The following USP49 variants were observed in gnomAD, a reference collection of about 807,000 sequenced individuals.
USP49 encodes ubiquitin specific peptidase 49.
USP49 carries 24 observed loss-of-function variants against 58.6 expected under a neutral mutation model. The ratio of observed to expected loss-of-function variants is 0.41; its 90% CI spans 0.30 to 0.58. The LOEUF is 0.58. USP49 is among the 20% of genes least tolerant of loss of function. The probability of loss-of-function intolerance (pLI) is 0.30; values close to 1 mark genes in which losing one functional copy is unlikely to be tolerated. For missense variants in USP49, 703 were observed against 866.1 expected, an observed-to-expected ratio of 0.81 and a Z score of 2.36; for synonymous variants, 408 against 365.1, an observed-to-expected ratio of 1.12 and a Z score of -1.34.
Position 41,803,856 on chromosome 6 carries a change from G to C in USP49, c.1511C>G (p.Thr504Arg). Residue 504 changes from threonine (T) to arginine (R), a missense_variant, in exon 5 of 8, where the codon ACA becomes AGA. Around this residue, in one of 6 missense-constraint regions of USP49, gnomAD observed 158 missense variants for 241.2 expected, o/e 0.66. Coordinates refer to ENST00000682992, the MANE Select transcript of USP49 (RefSeq NM_001286554.2). This position sits in a 1 kb window ranked among gnomAD's most constrained non-coding sequence, Gnocchi z 4.1. The part of the protein sequence containing the change: ...CLLTEMLAKF[T>R]ETEALEGRIY... Reference sequence around the variant, plus strand: ...TCTCCCTTCCAGGGCCTCTGTCTCTGTGAATTTGGCCAGCATCTCAGTGAG... The same window carrying C: ...TCTCCCTTCCAGGGCCTCTGTCTCTCTGAATTTGGCCAGCATCTCAGTGAG... 6.2e-7 allele frequency: 1 copy of C among 1,614,188 alleles called. No homozygotes were observed. Among genetic ancestry groups the C allele is most frequent in the East Asian group, 2.2e-5 (1 of 44,888 alleles).
chr6:41,810,051 C>T (rs1157859683), intron 3 of USP49, among the ~76,000 whole-genome samples: 1 of 150,532 alleles, frequency 6.6e-6, no homozygotes, highest in Non-Finnish European at 1.5e-5. Context: ...GCTCCGGAGG[C>T]TGAGGCAGGG....
intron 3 of USP49, among the ~76,000 whole-genome samples, chr6:41,840,069 T>G (rs1400003090): frequency 4.6e-5 from 7 of 152,012 alleles, no homozygotes; most frequent in Admixed American, 2.6e-4. Context: ...AATGAATTGA[T>G]TATTAACATT....
chr6:41,880,435 GC>G (rs937945833), intron 2 of USP49, among the ~76,000 whole-genome samples: 1 of 152,106 alleles, frequency 6.6e-6, no homozygotes, highest in Non-Finnish European at 1.5e-5. Context: ...AATTGAAAAG[GC>G]CCTCCAAGCG....
chr6:41,846,700 T>G (rs751888562), intron 3 of USP49, among the ~76,000 whole-genome samples: 1 of 152,212 alleles, frequency 6.6e-6, no homozygotes, highest in Non-Finnish European at 1.5e-5. Flanking sequence ...GGTTAGGAAA[T>G]TTCAGTGTTT....
rs568520315 is a variant in USP49, at chr6:41,791,652, G to A, written c.*4881C>T. On this transcript the variant is annotated 3_prime_UTR_variant, in exon 8 of 8. Coordinates refer to ENST00000682992, the MANE Select transcript of USP49 (RefSeq NM_001286554.2). ...GAAAATCTTTAGCTAGATTTTAAAC[G>A]AAATATGCCAGCAGAAGTATGGAAT... 2 of 152,302 alleles carry A rather than the reference G, an allele frequency of 1.3e-5. No individual in the cohort carries two copies. Among genetic ancestry groups the A allele is most frequent in the Non-Finnish European group, 2.9e-5 (2 of 68,024 alleles). The allele number at this position is 152,302 out of a possible 1,614,324, so 9.4% of individuals were successfully genotyped here. A position where few individuals can be genotyped will look rare whatever the true frequency, so the allele number is the denominator to read the frequency against.
intron 3 of USP49, among the ~76,000 whole-genome samples, chr6:41,863,878 C>A (rs1774265452): frequency 2.0e-5 from 3 of 152,074 alleles, no homozygotes. Flanking sequence ...CCACCTCAGC[C>A]CTTGGAACAG....
intron 3 of USP49, among the ~76,000 whole-genome samples, chr6:41,856,960 A>G (rs183207287): frequency 6.6e-6 from 1 of 152,298 alleles, no homozygotes; most frequent in East Asian, 1.9e-4. Context: ...GGTGCTGGAT[A>G]CCATGGTACT....
chr6:41,846,227 G>C (rs1018058089), intron 3 of USP49, among the ~76,000 whole-genome samples: 1 of 152,168 alleles, frequency 6.6e-6, no homozygotes, highest in Non-Finnish European at 1.5e-5. Flanking sequence ...TGAGGCAGGA[G>C]AAGCACTTGA....
In USP49 at chr6:41,792,225, T is replaced by C. The variant is rs1383476556; in HGVS notation, c.*4308A>G. 6.6e-6 allele frequency: 1 copy of C among 152,226 alleles called. No homozygotes were observed. The highest frequency in any genetic ancestry group is 1.5e-5 in the Non-Finnish European group (1 of 68,052). The allele number at this position is 152,226 out of a possible 1,614,324, so 9.4% of individuals were successfully genotyped here. On this transcript the variant is annotated 3_prime_UTR_variant, in exon 8 of 8. Coordinates refer to ENST00000682992, the MANE Select transcript of USP49 (RefSeq NM_001286554.2). ...GTGCCTTCTCTTTTGCACCACTCCCTTTGCATATTACACAGTGCACTGGCT... is the reference window on the plus strand; with the variant it reads ...GTGCCTTCTCTTTTGCACCACTCCCCTTGCATATTACACAGTGCACTGGCT...
At position 41,870,688 on chromosome 6, in the gene USP49, A is replaced by ATTTCTTTT. The variant is rs1554148004; in HGVS notation, c.-29+875_-29+876insAAAAGAAA. 2.6e-5 allele frequency among the ~76,000 whole-genome samples: 3 copies of ATTTCTTTT among 116,064 alleles called. 1 individual carries two copies. Among genetic ancestry groups the ATTTCTTTT allele is most frequent in the African/African-American group, 6.5e-5 (2 of 30,874 alleles). 76.1% of individuals were successfully genotyped at this position (116,064 alleles called of 152,430 possible). Reference sequence around the variant, plus strand: ...AGTAGCTAGCCACCACACCTGGCTAATTTTTTTTTTTTTTTTTGGTAGAGA... The same window carrying ATTTCTTTT: ...AGTAGCTAGCCACCACACCTGGCTAATTTCTTTTTTTTTTTTTTTTTTTTTGGTAGAGA... On this transcript the variant is annotated intron_variant, in intron 3 of 7. Coordinates refer to ENST00000682992, the MANE Select transcript of USP49 (RefSeq NM_001286554.2).
intron 2 of USP49, among the ~76,000 whole-genome samples, chr6:41,884,766 A>G (rs1436996971): frequency 6.6e-6 from 1 of 152,194 alleles, no homozygotes; most frequent in Admixed American, 6.5e-5. Flanking sequence ...TGCTGAAGAT[A>G]TTTTTTCAAG....
intron 3 of USP49, among the ~76,000 whole-genome samples, chr6:41,849,102 A>G (rs1773974534): frequency 6.6e-6 from 1 of 152,212 alleles, no homozygotes; most frequent in African/African-American, 2.4e-5. Context: ...GGACACATAG[A>G]TTGAAAAGTC....
At chr6:41,861,287 C>CA (rs1212851982) in intron 3 of USP49, among the ~76,000 whole-genome samples, 2 of 150,836 alleles carry the variant, frequency 1.3e-5, no homozygotes, top group African/African-American at 2.4e-5. Context: ...ACTAAAAATA[C>CA]AAAAAATTAG....
At chr6:41,807,049 G>C (rs878981508) in intron 3 of USP49, 38 bp from the exon 4 acceptor site, 32 of 1,163,802 alleles carry the variant, frequency 2.7e-5, no homozygotes, top group Middle Eastern at 2.9e-4. Flanking sequence ...AAAAGAAAAA[G>C]AAAACACTTT....
rs1773056177 is a variant in USP49 at position 41,803,494 on chromosome 6, G to A, written c.1561+312C>T. On this transcript the variant is annotated intron_variant, in intron 5 of 7. Transcript: ENST00000682992. The surrounding 1 kb of genome is among the most constrained non-coding windows in gnomAD (Gnocchi z 4.1). ...AATTTTTGTATTTTTAGTAGAGACA[G>A]GGTTTCACCATGTTGGTCAGGCTGG... Among the ~76,000 whole-genome samples the A allele has an allele frequency of 6.6e-6, 1 of 152,192 alleles. No homozygotes were observed. The highest frequency in any genetic ancestry group is 1.5e-5 in the Non-Finnish European group (1 of 68,034).
intron 3 of USP49, among the ~76,000 whole-genome samples, chr6:41,858,360 A>G (rs1017240611): frequency 6.6e-6 from 1 of 152,168 alleles, no homozygotes; most frequent in Non-Finnish European, 1.5e-5. Flanking sequence ...ATGTTATGAG[A>G]GCACTGTGTT....
intron 3 of USP49, among the ~76,000 whole-genome samples, chr6:41,848,109 G>A (rs148228891): frequency 1.5e-3 from 236 of 152,276 alleles, no homozygotes; most frequent in African/African-American, 5.3e-3. Context: ...GTAGTTTTCT[G>A]TATGTGAATG....
At chr6:41,875,177 A>G (rs1774482741) in intron 2 of USP49, among the ~76,000 whole-genome samples, 2 of 151,846 alleles carry the variant, frequency 1.3e-5, no homozygotes, top group Admixed American at 1.3e-4. Flanking sequence ...ATCTATATAT[A>G]TTTTAAGATT....
chr6:41,892,858 C>T (rs1022554973), intron 1 of USP49, among the ~76,000 whole-genome samples: 2 of 152,146 alleles, frequency 1.3e-5, no homozygotes, highest in African/African-American at 4.8e-5. Flanking sequence ...ATATGCTATC[C>T]TTTGGCACCA....
Sources: gnomAD v4.1 joint callset for allele counts (sites outside exome capture counted in the v4.1 genomes callset) on GRCh38, gnomAD v4.1.1 for gene constraint, gnomAD v4.1.1 regional missense constraint, Gnocchi (gnomAD v3.1) non-coding constraint, MANE v1.5 for transcripts, NCBI Gene and HGNC (gene_info 2026-07-23, HGNC 2026-07-21) for gene names.